Variants in TENM3 observed in about 807,000 individuals in gnomAD.
TENM3 encodes teneurin-3.
TENM3 carries 63 observed loss-of-function variants against 255.1 expected under a neutral mutation model. The observed-to-expected ratio is 0.25, with a 90% CI of 0.20 to 0.30. The LOEUF is 0.30. Ranked by LOEUF, TENM3 falls within the 10% of genes least tolerant of loss-of-function variation. The pLI is 1.00. For synonymous variants in TENM3, 1,306 were observed against 1,322.3 expected (o/e 0.99, Z 0.27); for missense variants, 2,929 against 3,461.1 (o/e 0.85, Z 3.86).
chr4:182,135,954 A>G, the TENM3 span, among the ~76,000 whole-genome samples: 8 of 152,352 alleles, frequency 5.3e-5, no homozygotes, highest in South Asian at 1.7e-3. Flanking sequence ...TGACATGAAA[A>G]TAGTACTGTC....
chr4:182,037,560 A>G, the TENM3 span, among the ~76,000 whole-genome samples: 1 of 152,232 alleles, frequency 6.6e-6, no homozygotes, highest in South Asian at 2.1e-4. Flanking sequence ...TATCAGCAGA[A>G]TAAAGTTTAA....
intron 3 of TENM3, among the ~76,000 whole-genome samples, chr4:182,377,109 C>T (rs886943234): frequency 2.0e-5 from 3 of 152,024 alleles, no homozygotes; most frequent in Admixed American, 2.0e-4. Flanking sequence ...GTCAGCTAAC[C>T]GACAACACAT....
the TENM3 span, among the ~76,000 whole-genome samples, chr4:182,038,843 C>T: frequency 6.6e-6 from 1 of 152,136 alleles, no homozygotes; most frequent in Non-Finnish European, 1.5e-5. Flanking sequence ...AAGTGATTCT[C>T]CTGCCTCAGG....
At chr4:181,924,803 C>G in the TENM3 span, among the ~76,000 whole-genome samples, 1 of 152,156 alleles carries the variant, frequency 6.6e-6, no homozygotes, top group East Asian at 1.9e-4. Flanking sequence ...AAATAGAGAG[C>G]TGGTCTGTTG....
At chr4:182,585,762 T>A (rs1000699853) in intron 3 of TENM3, among the ~76,000 whole-genome samples, 2 of 152,224 alleles carry the variant, frequency 1.3e-5, no homozygotes, top group African/African-American at 4.8e-5. Flanking sequence ...TCATCTCTTC[T>A]ATGGACAATT....
chr4:182,368,920 T>C (rs1467913629), intron 3 of TENM3, among the ~76,000 whole-genome samples: 1 of 152,138 alleles, frequency 6.6e-6, no homozygotes, highest in Non-Finnish European at 1.5e-5. Flanking sequence ...ATTTCGATCA[T>C]ATGTTTTCCC....
At chr4:182,569,580 A>G (rs1055138307) in intron 3 of TENM3, among the ~76,000 whole-genome samples, 3 of 151,976 alleles carry the variant, frequency 2.0e-5, no homozygotes, top group Non-Finnish European at 4.4e-5. Context: ...AAAAAGAAAG[A>G]AAGGAAAGTA....
At chr4:182,378,464 A>G (rs1355440754) in intron 3 of TENM3, among the ~76,000 whole-genome samples, 1 of 152,236 alleles carries the variant, frequency 6.6e-6, no homozygotes, top group Non-Finnish European at 1.5e-5. Context: ...CCAGGTGGCC[A>G]GGGAAGTCAT....
At chr4:182,272,986 T>G (rs1759747361) in intron 1 of TENM3, among the ~76,000 whole-genome samples, 1 of 152,074 alleles carries the variant, frequency 6.6e-6, no homozygotes, top group African/African-American at 2.4e-5. Flanking sequence ...TGATTTAAGT[T>G]TGTAAAAGAC....
At chr4:182,140,087 T>A (rs544021430), upstream of TENM3, among the ~76,000 whole-genome samples, 176 of 152,338 alleles carry the variant, frequency 1.2e-3, no homozygotes, top group African/African-American at 4.0e-3. Flanking sequence ...GGATAAGTTA[T>A]TTTTTTGCCA....
the TENM3 span, among the ~76,000 whole-genome samples, chr4:181,885,927 C>G: frequency 1.3e-5 from 2 of 152,032 alleles, no homozygotes; most frequent in Non-Finnish European, 2.9e-5. Flanking sequence ...AAGTGCAGTC[C>G]CACACATGTG....
At chr4:182,083,562 A>C in the TENM3 span, among the ~76,000 whole-genome samples, 2 of 152,160 alleles carry the variant, frequency 1.3e-5, no homozygotes, top group Non-Finnish European at 2.9e-5. Context: ...TTAGACGTTA[A>C]AGGCATTGTT....
chr4:182,034,461 G>T, the TENM3 span, among the ~76,000 whole-genome samples: 1 of 152,148 alleles, frequency 6.6e-6, no homozygotes, highest in African/African-American at 2.4e-5. Flanking sequence ...ATTTGTTGAT[G>T]TAGTTGCTTC....
the TENM3 span, among the ~76,000 whole-genome samples, chr4:181,959,142 T>C: frequency 6.6e-6 from 1 of 152,198 alleles, no homozygotes; most frequent in African/African-American, 2.4e-5. Flanking sequence ...AAATTGTTGT[T>C]GTTTGGTTAT....
At chr4:182,227,181 T>G (rs1215456008) in intron 1 of TENM3, among the ~76,000 whole-genome samples, 3 of 152,216 alleles carry the variant, frequency 2.0e-5, no homozygotes, top group Non-Finnish European at 4.4e-5. Context: ...ACTCTGTATT[T>G]GATAAGCTTC....
chr4:181,467,324 G>A, the TENM3 span, among the ~76,000 whole-genome samples: 2 of 149,576 alleles, frequency 1.3e-5, no homozygotes, highest in African/African-American at 5.0e-5. Flanking sequence ...TAGTAGAGAC[G>A]GGGTTTCGCC....
chr4:182,407,951 C>T (rs1205040296), intron 3 of TENM3, among the ~76,000 whole-genome samples: 1 of 152,214 alleles, frequency 6.6e-6, no homozygotes, highest in Non-Finnish European at 1.5e-5. Context: ...TATATATGCA[C>T]TTACCTTGAG....
At chr4:182,797,176 A>T (rs1766554171) in intron 27 of TENM3, among the ~76,000 whole-genome samples, 1 of 152,224 alleles carries the variant, frequency 6.6e-6, no homozygotes, top group South Asian at 2.1e-4. Flanking sequence ...GAGGGGGCTC[A>T]CGCCTGTAAT....
the TENM3 span, among the ~76,000 whole-genome samples, chr4:181,838,940 A>G: frequency 0.57 from 85,766 of 151,348 alleles, 25,417 homozygotes; most frequent in East Asian, 0.74. Context: ...CTTCTTAAAA[A>G]TGCATGTTTT....
Sources: gnomAD v4.1 joint callset for allele counts (sites outside exome capture counted in the v4.1 genomes callset) on GRCh38, gnomAD v4.1.1 for gene constraint, MANE v1.5 for transcripts, NCBI Gene and HGNC (gene_info 2026-07-23, HGNC 2026-07-21) for gene names.